Variants in SLC41A2 observed in about 807,000 individuals in gnomAD.
The protein encoded by SLC41A2 is solute carrier family 41 member 2, also known as SLC41A1-like 1.
SLC41A2 carries 32 observed loss-of-function variants against 58.3 expected under a neutral mutation model. The ratio of observed to expected loss-of-function variants is 0.55; its 90% CI spans 0.41 to 0.74. The LOEUF (loss-of-function observed/expected upper bound fraction) is 0.74. Among genes scored for constraint, SLC41A2 ranks in the 30% least tolerant of loss-of-function variants. The pLI is 0.00. For missense variants in SLC41A2, 514 were observed against 680.6 expected (o/e 0.76, Z 2.72); for synonymous variants, 190 against 235.0 (o/e 0.81, Z 1.75).
chr12:104,830,528 C>G (rs75595294), intron 10 of SLC41A2, among the ~76,000 whole-genome samples: 3,637 of 152,076 alleles, frequency 0.024, 88 homozygotes, highest in East Asian at 0.095. Context: ...GTATGTGGAA[C>G]TCATGGATGT....
At chr12:104,810,067 G>A (rs1439592624) in intron 10 of SLC41A2, among the ~76,000 whole-genome samples, 8 of 152,114 alleles carry the variant, frequency 5.3e-5, no homozygotes, top group Non-Finnish European at 8.8e-5. Flanking sequence ...TGTTTGTCCT[G>A]GGCAAGGAGG....
At chr12:104,843,110 T>A (rs1392921696) in intron 10 of SLC41A2, among the ~76,000 whole-genome samples, 1 of 152,062 alleles carries the variant, frequency 6.6e-6, no homozygotes, top group Non-Finnish European at 1.5e-5. Flanking sequence ...AAAATATTAC[T>A]CCCCAGGTAG....
rs577897901 is a variant in SLC41A2, at chr12:104,838,984, A to G, written c.1536+5488T>C. Among the ~76,000 whole-genome samples the G allele has an allele frequency of 3.3e-5, 5 of 152,328 alleles. No homozygotes were observed. In the South Asian group the frequency reaches 8.3e-4, roughly 25 times the overall value. On this transcript the variant is annotated intron_variant, in intron 10 of 10. Transcript: ENST00000258538. The stretch of plus-strand genomic sequence containing the variant: ...TGCCATTCTACCCTTTAAAGGAAAC[A>G]TTTTGTTTCTCCCATGTGAAAACAG...
chr12:104,820,627 G>T (rs1404097232), intron 10 of SLC41A2, among the ~76,000 whole-genome samples: 1 of 152,046 alleles, frequency 6.6e-6, no homozygotes, highest in Admixed American at 6.5e-5. Flanking sequence ...TATGCACATA[G>T]TTATTTAATG....
At chr12:104,880,227 G>A (rs375143929) in intron 6 of SLC41A2, among the ~76,000 whole-genome samples, 1 of 152,124 alleles carries the variant, frequency 6.6e-6, no homozygotes, top group Non-Finnish European at 1.5e-5. Flanking sequence ...AGATAAAATG[G>A]GGTCTTCTAA....
Position 104,861,291 on chromosome 12 carries a change from C to T in SLC41A2, c.1255G>A (p.Gly419Ser), listed in dbSNP as rs2043203113. Reference protein sequence around the residue: ...GIVVYTPVINGIGGNLVAIQA... With the variant: ...GIVVYTPVINSIGGNLVAIQA... ...ATGAAACAGTATATCTAATTCTTAC[C>T]ATTAATAACTGGCGTGTAAACAACA... Residue 419 changes from glycine to serine, a missense_variant and splice_region_variant, in exon 8 of 11, where the codon GGT becomes AGT. By Grantham distance (56) the Gly-to-Ser change is moderately conservative (BLOSUM62 0). Around this residue, in one of 3 missense-constraint regions of SLC41A2, gnomAD observed 50 missense variants for 104.5 expected, o/e 0.48. Coordinates refer to ENST00000258538, the MANE Select transcript of SLC41A2 (RefSeq NM_001352171.3). 6.2e-7 allele frequency: 1 copy of T among 1,604,736 alleles called. No individual in the cohort carries two copies. The highest frequency in any genetic ancestry group is 1.7e-5 in the Admixed American group (1 of 59,840).
chr12:104,915,872 T>A (rs999837861), intron 2 of SLC41A2, among the ~76,000 whole-genome samples: 1 of 152,094 alleles, frequency 6.6e-6, no homozygotes, highest in African/African-American at 2.4e-5. Context: ...ATGCTTCCAG[T>A]TTTTGCCCAT....
chr12:104,957,551 A>T (rs979859532), intron 1 of SLC41A2, among the ~76,000 whole-genome samples: 2 of 152,234 alleles, frequency 1.3e-5, no homozygotes, highest in African/African-American at 4.8e-5. Flanking sequence ...CAAAAAAAAG[A>T]TGACATATAT....
chr12:104,888,914 T>C, intron 5 of SLC41A2, 119 bp downstream of exon 5: 3 of 1,049,814 alleles, frequency 2.9e-6, no homozygotes, highest in Non-Finnish European at 4.0e-6. Context: ...TTTAAGTTTG[T>C]AGATATGTTT....
chr12:104,834,287 G>A, intron 10 of SLC41A2: 1 of 599,618 alleles, frequency 1.7e-6, no homozygotes, highest in Non-Finnish European at 2.1e-6. Context: ...GCAATCACGA[G>A]GCTGTTAAAA....
intron 8 of SLC41A2, among the ~76,000 whole-genome samples, chr12:104,854,583 A>AAC (rs71440557): frequency 6.6e-6 from 1 of 150,728 alleles, no homozygotes; most frequent in African/African-American, 2.4e-5. Flanking sequence ...AAAAAAAAAA[A>AAC]CACCGCCTTA....
chr12:104,918,894 ACTACAGTAC>A (rs1337068687), intron 2 of SLC41A2, among the ~76,000 whole-genome samples: 1 of 152,106 alleles, frequency 6.6e-6, no homozygotes, highest in Admixed American at 6.6e-5. Flanking sequence ...TCTTGCAAAA[ACTACAGTAC>A]AATATCACAA....
At chr12:104,946,688 A>G (rs2047730769) in intron 1 of SLC41A2, among the ~76,000 whole-genome samples, 1 of 152,210 alleles carries the variant, frequency 6.6e-6, no homozygotes, top group African/African-American at 2.4e-5. Context: ...TTTTACTGAG[A>G]TGTTTGCAAT....
At chr12:104,853,911 A>ATTT (rs1555202443) in intron 8 of SLC41A2, among the ~76,000 whole-genome samples, 629 of 59,460 alleles carry the variant, frequency 0.011, 68 homozygotes, top group African/African-American at 0.041. Context: ...TGCCTGGCTG[A>ATTT]TTTTTTTTTT....
chr12:104,879,397 C>T (rs974439418), intron 6 of SLC41A2, among the ~76,000 whole-genome samples: 10 of 152,066 alleles, frequency 6.6e-5, no homozygotes, highest in East Asian at 3.9e-4. Flanking sequence ...GCCTATGTCC[C>T]GAATGGTATT....
intron 10 of SLC41A2, among the ~76,000 whole-genome samples, chr12:104,825,542 C>A (rs961925717): frequency 1.3e-5 from 2 of 152,136 alleles, no homozygotes; most frequent in South Asian, 2.1e-4. Context: ...TCTGTTTTTT[C>A]CTTTTCCATG....
intron 6 of SLC41A2, among the ~76,000 whole-genome samples, chr12:104,868,806 C>G (rs1198783178): frequency 6.6e-6 from 1 of 152,150 alleles, no homozygotes; most frequent in Non-Finnish European, 1.5e-5. Flanking sequence ...TTACTCTGCA[C>G]TTCATATGAT....
intron 7 of SLC41A2, among the ~76,000 whole-genome samples, chr12:104,861,981 T>C (rs1023332923): frequency 3.3e-5 from 5 of 152,214 alleles, no homozygotes; most frequent in South Asian, 4.1e-4. Context: ...TAGCAAGCCA[T>C]ACACTCTCAA....
chr12:104,874,328 C>T (rs759519674), intron 6 of SLC41A2, among the ~76,000 whole-genome samples: 9 of 152,116 alleles, frequency 5.9e-5, no homozygotes, highest in Non-Finnish European at 1.3e-4. Context: ...CCCGCCTCGG[C>T]CTCCCAAAGT....
Sources: allele counts gnomAD v4.1 joint callset (sites outside exome capture counted in the v4.1 genomes callset), GRCh38; gene constraint gnomAD v4.1.1; regional missense constraint gnomAD v4.1.1; transcripts MANE v1.5; gene names NCBI Gene and HGNC (gene_info 2026-07-23, HGNC 2026-07-21).